IPMK: variants seen among roughly 807,000 people sequenced by gnomAD.
IPMK encodes inositol polyphosphate multikinase.
A neutral mutation model predicts 45.8 loss-of-function variants in IPMK; 17 were observed. The ratio of observed to expected loss-of-function variants is 0.37; its 90% CI spans 0.25 to 0.56. The LOEUF (loss-of-function observed/expected upper bound fraction) is 0.56, where lower values mean the gene tolerates loss of function less well. Among genes scored for constraint, IPMK ranks in the 20% least tolerant of loss-of-function variants. IPMK has a pLI of 0.79. For missense variants in IPMK, 399 were observed against 498.0 expected, an observed-to-expected ratio of 0.80 and a Z score of 1.89; for synonymous variants, 180 against 184.3, an observed-to-expected ratio of 0.98 and a Z score of 0.19.
At position 58,216,248 on chromosome 10, in the gene IPMK, C is replaced by T; in HGVS notation, c.443G>A (p.Gly148Glu). ...NKPCIMDVKI[G>E]QKSYDPFASS... ...GGCAAAAGGATCATAGCTTTTTTGC[C>T]CTATCTTTACATCCATTATACAGGG... is the stretch of plus-strand genomic sequence containing the variant. Residue 148 changes from glycine (G) to glutamate (E), a missense_variant, in exon 4 of 6, where the codon GGG becomes GAG. Around this residue, in one of 2 missense-constraint regions of IPMK, gnomAD observed 288 missense variants for 398.0 expected, o/e 0.72. Coordinates refer to ENST00000373935, the MANE Select transcript of IPMK (RefSeq NM_152230.5). 1 of 1,610,016 alleles carries T rather than the reference C, an allele frequency of 6.2e-7. No individual in the cohort carries two copies. The highest frequency in any genetic ancestry group is 8.5e-7 in the Non-Finnish European group (1 of 1,177,354).
intron 4 of IPMK, among the ~76,000 whole-genome samples, chr10:58,206,434 A>C (rs1431051543): frequency 2.6e-5 from 4 of 152,216 alleles, no homozygotes; most frequent in Admixed American, 2.6e-4. Flanking sequence ...CTATACTTTA[A>C]ATGATTAACA....
chr10:58,197,326 A>AATAAATACATACATACATACATACATAC (rs764500371), intron 5 of IPMK, among the ~76,000 whole-genome samples: 91 of 146,498 alleles, frequency 6.2e-4, no homozygotes, highest in Middle Eastern at 3.5e-3. Context: ...TAAATAAATA[A>AATAAATACATACATACATACATACATAC]ATACATAAAT....
intron 4 of IPMK, among the ~76,000 whole-genome samples, chr10:58,206,045 A>G (rs1176467902): frequency 6.6e-6 from 1 of 152,182 alleles, no homozygotes; most frequent in African/African-American, 2.4e-5. Flanking sequence ...AGTAGAAACA[A>G]CCCAAAGTCC....
chr10:58,226,706 A>G (rs947907671), intron 3 of IPMK, among the ~76,000 whole-genome samples: 1 of 152,164 alleles, frequency 6.6e-6, no homozygotes, highest in Non-Finnish European at 1.5e-5. Context: ...TGCAGAGACA[A>G]TATTTTTCTT....
At chr10:58,264,309 T>C (rs974762484) in intron 1 of IPMK, among the ~76,000 whole-genome samples, 1 of 152,230 alleles carries the variant, frequency 6.6e-6, no homozygotes, top group African/African-American at 2.4e-5. Flanking sequence ...TTCTGTAGGC[T>C]TGAAATTATT....
At chr10:58,200,367 C>T (rs1313161798) in intron 4 of IPMK, among the ~76,000 whole-genome samples, 1 of 152,138 alleles carries the variant, frequency 6.6e-6, no homozygotes, top group Non-Finnish European at 1.5e-5. Context: ...GATCCACCCG[C>T]CTCAGCCTCT....
rs1038743544 is a variant in IPMK at position 58,234,808 on chromosome 10, A to T, written c.276+2921T>A. Among the ~76,000 whole-genome samples the T allele has an allele frequency of 2.4e-4, 37 of 152,308 alleles. 1 individual carries two copies. The highest frequency in any genetic ancestry group is 8.4e-4 in the African/African-American group (35 of 41,578). ...AAGCAATGACAACAAAAGCCAAAAT[A>T]GACAAATGGGATCTAATTAAACTGA... is the stretch of plus-strand genomic sequence containing the variant. On this transcript the variant is annotated intron_variant, in intron 2 of 5. Coordinates refer to ENST00000373935, the MANE Select transcript of IPMK (RefSeq NM_152230.5).
At chr10:58,252,064 T>C (rs1838888185) in intron 1 of IPMK, among the ~76,000 whole-genome samples, 1 of 152,252 alleles carries the variant, frequency 6.6e-6, no homozygotes, top group Admixed American at 6.5e-5. Flanking sequence ...TTTTTTCCAC[T>C]TACTGTCTTC....
At chr10:58,247,539 G>A (rs36143179) in intron 1 of IPMK, among the ~76,000 whole-genome samples, 1 of 151,920 alleles carries the variant, frequency 6.6e-6, no homozygotes, top group Non-Finnish European at 1.5e-5. Flanking sequence ...ATCATTCTCA[G>A]TAAACTATCA....
chr10:58,197,421 T>G (rs12253639), intron 5 of IPMK, among the ~76,000 whole-genome samples: 9 of 141,650 alleles, frequency 6.4e-5, no homozygotes, highest in Non-Finnish European at 1.4e-4. Context: ...GAGGCCGAGG[T>G]GGGCGGATCA....
At chr10:58,244,090 C>T (rs1588967913) in intron 1 of IPMK, among the ~76,000 whole-genome samples, 1 of 151,518 alleles carries the variant, frequency 6.6e-6, no homozygotes, top group Admixed American at 6.6e-5. Flanking sequence ...AACGTCTCTG[C>T]CCGGCCGCCC....
At chr10:58,208,790 C>T (rs1334239086) in intron 4 of IPMK, among the ~76,000 whole-genome samples, 1 of 152,142 alleles carries the variant, frequency 6.6e-6, no homozygotes, top group East Asian at 1.9e-4. Context: ...GTTGATGATT[C>T]CGGCTTCAGG....
chr10:58,210,743 CAG>C (rs1462048980), intron 4 of IPMK, among the ~76,000 whole-genome samples: 1 of 152,204 alleles, frequency 6.6e-6, no homozygotes, highest in African/African-American at 2.4e-5. Flanking sequence ...CAGATTCACT[CAG>C]GGGGTATGTG....
At chr10:58,257,131 T>C (rs1299000123) in intron 1 of IPMK, among the ~76,000 whole-genome samples, 1 of 152,224 alleles carries the variant, frequency 6.6e-6, no homozygotes, top group Non-Finnish European at 1.5e-5. Context: ...AAACCTGTGA[T>C]ATAGGAAAGT....
At chr10:58,211,841 G>T (rs1249954006) in intron 4 of IPMK, among the ~76,000 whole-genome samples, 2 of 144,192 alleles carry the variant, frequency 1.4e-5, no homozygotes, top group East Asian at 4.1e-4. Context: ...GGAACCCAGG[G>T]GTTGAGGCTG....
At chr10:58,265,202 C>G (rs1202418681) in intron 1 of IPMK, among the ~76,000 whole-genome samples, 1 of 152,156 alleles carries the variant, frequency 6.6e-6, no homozygotes, top group East Asian at 1.9e-4. Context: ...CACCTTTGTT[C>G]TATCAAGTTC....
chr10:58,197,915 G>A (rs1442400427), intron 5 of IPMK, among the ~76,000 whole-genome samples: 2 of 150,508 alleles, frequency 1.3e-5, no homozygotes, highest in African/African-American at 5.0e-5. Flanking sequence ...TGTAGTCCCA[G>A]CTACTTGGGA....
intron 2 of IPMK, among the ~76,000 whole-genome samples, chr10:58,228,922 T>C (rs1337529766): frequency 6.6e-6 from 1 of 152,172 alleles, no homozygotes. Flanking sequence ...GAAACAAAAG[T>C]GTTAACCCAA....
chr10:58,255,035 T>G (rs921873863), intron 1 of IPMK, among the ~76,000 whole-genome samples: 2 of 152,242 alleles, frequency 1.3e-5, no homozygotes, highest in Admixed American at 1.3e-4. Flanking sequence ...GGCTGTTAGT[T>G]GTTTCTATCC....
Sources: gnomAD v4.1 joint callset for allele counts (sites outside exome capture counted in the v4.1 genomes callset) on GRCh38, gnomAD v4.1.1 for gene constraint, gnomAD v4.1.1 regional missense constraint, MANE v1.5 for transcripts, NCBI Gene and HGNC (gene_info 2026-07-23, HGNC 2026-07-21) for gene names.